The following KCNQ3 variants were observed in gnomAD, a reference collection of about 807,000 sequenced individuals.
KCNQ3 encodes the protein potassium voltage-gated channel subfamily KQT member 3.
A neutral mutation model predicts 92.5 loss-of-function variants in KCNQ3; 30 were observed. The ratio of observed to expected loss-of-function variants is 0.32; its 90% confidence interval spans 0.24 to 0.44. The LOEUF (loss-of-function observed/expected upper bound fraction) is 0.44, where lower values mean the gene tolerates loss of function less well. Ranked by LOEUF, KCNQ3 falls within the 20% of genes least tolerant of loss-of-function variation. The pLI is 1.00. For synonymous variants in KCNQ3, 450 were observed against 468.8 expected (o/e 0.96, Z 0.52); for missense variants, 913 against 1,140.3 (o/e 0.80, Z 2.87).
rs192495060 is a variant in KCNQ3, at chr8:132,203,803, G to C, written c.387-17622C>G. 1.2e-4 allele frequency among the ~76,000 whole-genome samples: 18 copies of C among 152,268 alleles called. No homozygotes were observed. The East Asian group carries it at 2.9e-3, about 24-fold the overall frequency. ...TAAAATAGGGATAATAAAATGTTTA[G>C]TCTAGTGCTTGATAGATTTCAGGGA... On this transcript the variant is annotated intron_variant, in intron 1 of 14. Transcript: ENST00000388996.
rs1013989358 is a variant in KCNQ3, at chr8:132,125,286, C to A, written c.*3976G>T. The A allele has an allele frequency of 2.0e-5, 3 of 152,164 alleles. No individual in the cohort carries two copies. The highest frequency in any genetic ancestry group is 4.4e-5 in the Non-Finnish European group (3 of 68,038). The allele number at this position is 152,164 out of a possible 1,614,324, so 9.4% of individuals were successfully genotyped here. ...GATCATTGCCATTTTGATGTAGAAC[C>A]TTTGCTCTCATTTTCATGTTCAATT... On this transcript the variant is annotated 3_prime_UTR_variant, in exon 15 of 15. Transcript: ENST00000388996.
At chr8:132,187,868 TG>T in intron 1 of KCNQ3, among the ~76,000 whole-genome samples, 3 of 105,538 alleles carry the variant, frequency 2.8e-5, no homozygotes, top group African/African-American at 1.5e-4. Context: ...GTGGTGGTGG[TG>T]GTGATAGTGA....
intron 1 of KCNQ3, among the ~76,000 whole-genome samples, chr8:132,362,185 C>A (rs1432070190): frequency 3.3e-5 from 5 of 151,894 alleles, no homozygotes; most frequent in African/African-American, 9.7e-5. Context: ...TACAATATTT[C>A]AAAAGAGACC....
chr8:132,453,192 A>C (rs1302660261), intron 1 of KCNQ3, among the ~76,000 whole-genome samples: 1 of 152,136 alleles, frequency 6.6e-6, no homozygotes, highest in Non-Finnish European at 1.5e-5. Context: ...TGGTCCACCC[A>C]AGGGAAGAGA....
chr8:132,264,716 T>C (rs1815924489), intron 1 of KCNQ3, among the ~76,000 whole-genome samples: 1 of 152,088 alleles, frequency 6.6e-6, no homozygotes, highest in African/African-American at 2.4e-5. Context: ...CCGTGCTCTA[T>C]CTCTGTCTAG....
At chr8:132,132,292 A>C (rs761187828) in intron 13 of KCNQ3, 28 bp from the exon 14 acceptor site, 1 of 1,551,548 alleles carries the variant, frequency 6.4e-7, no homozygotes, top group Non-Finnish European at 8.9e-7. Flanking sequence ...CTTCTATAAG[A>C]TCATTATATC....
chr8:132,410,757 G>C (rs1044925046), intron 1 of KCNQ3, among the ~76,000 whole-genome samples: 1 of 152,224 alleles, frequency 6.6e-6, no homozygotes, highest in African/African-American at 2.4e-5. Flanking sequence ...CCAATGTCAA[G>C]GTCATGTCAT....
chr8:132,386,661 G>A (rs1057067014), intron 1 of KCNQ3, among the ~76,000 whole-genome samples: 3 of 152,014 alleles, frequency 2.0e-5, no homozygotes, highest in African/African-American at 7.2e-5. Flanking sequence ...CTATGCTATT[G>A]ATATAAAAAA....
intron 1 of KCNQ3, among the ~76,000 whole-genome samples, chr8:132,246,793 G>A (rs1223662889): frequency 6.6e-6 from 1 of 152,176 alleles, no homozygotes; most frequent in Non-Finnish European, 1.5e-5. Context: ...ACGTCCTCCA[G>A]AAAGTCCTCA....
intron 1 of KCNQ3, among the ~76,000 whole-genome samples, chr8:132,306,535 A>T (rs76958290): frequency 6.6e-6 from 1 of 152,342 alleles, no homozygotes; most frequent in East Asian, 1.9e-4. Flanking sequence ...TTCCTATCCA[A>T]TTCACAAATC....
chr8:132,206,575 A>G (rs16904626), intron 1 of KCNQ3, among the ~76,000 whole-genome samples: 4,236 of 152,306 alleles, frequency 0.028, 180 homozygotes, highest in African/African-American at 0.095. Context: ...CACATTTTAT[A>G]TTATTAAAGC....
intron 4 of KCNQ3, among the ~76,000 whole-genome samples, chr8:132,178,516 T>A (rs538060623): frequency 6.6e-6 from 1 of 152,320 alleles, no homozygotes; most frequent in Non-Finnish European, 1.5e-5. Flanking sequence ...GCACATTTTC[T>A]CGCATGAGCA....
chr8:132,388,254 A>C (rs1819949475), intron 1 of KCNQ3, among the ~76,000 whole-genome samples: 1 of 152,182 alleles, frequency 6.6e-6, no homozygotes, highest in African/African-American at 2.4e-5. Flanking sequence ...TTTTAAATGG[A>C]CTTAAATTTG....
intron 1 of KCNQ3, among the ~76,000 whole-genome samples, chr8:132,461,052 G>A (rs1412179517): frequency 6.6e-6 from 1 of 152,108 alleles, no homozygotes; most frequent in Non-Finnish European, 1.5e-5. Flanking sequence ...ATTCATTCCT[G>A]TATTTCATGA....
chr8:132,306,828 T>A (rs1487947864), intron 1 of KCNQ3, among the ~76,000 whole-genome samples: 1 of 152,206 alleles, frequency 6.6e-6, no homozygotes, highest in Non-Finnish European at 1.5e-5. Context: ...ATTCCCTAGC[T>A]TAACAAAGGC....
chr8:132,235,268 GGT>G (rs1563817762), intron 1 of KCNQ3, among the ~76,000 whole-genome samples: 1 of 143,444 alleles, frequency 7.0e-6, no homozygotes, highest in African/African-American at 2.6e-5. Flanking sequence ...GGAGGCCAAG[GGT>G]GGGGGGGGAA....
At chr8:132,327,750 G>A (rs1818100940) in intron 1 of KCNQ3, among the ~76,000 whole-genome samples, 1 of 152,184 alleles carries the variant, frequency 6.6e-6, no homozygotes, top group African/African-American at 2.4e-5. Flanking sequence ...GCATGAAGAG[G>A]CCTAAGGGGA....
At chr8:132,202,800 C>T (rs1827502654) in intron 1 of KCNQ3, among the ~76,000 whole-genome samples, 1 of 152,176 alleles carries the variant, frequency 6.6e-6, no homozygotes, top group African/African-American at 2.4e-5. Flanking sequence ...TCTCTGGATA[C>T]AGGCTTTTTC....
intron 1 of KCNQ3, among the ~76,000 whole-genome samples, chr8:132,232,545 G>T (rs1814677533): frequency 6.6e-6 from 1 of 152,162 alleles, no homozygotes; most frequent in African/African-American, 2.4e-5. Context: ...AAAAGCATTG[G>T]CTGTTATTTT....
Sources: gnomAD v4.1 joint callset for allele counts (sites outside exome capture counted in the v4.1 genomes callset) on GRCh38, gnomAD v4.1.1 for gene constraint, MANE v1.5 for transcripts, NCBI Gene and HGNC (gene_info 2026-07-23, HGNC 2026-07-21) for gene names.